Variants in SLC8A1 observed in about 807,000 individuals in gnomAD.
SLC8A1 encodes the protein solute carrier family 8 member A1.
SLC8A1 carries 18 observed loss-of-function variants against 68.3 expected under a neutral mutation model. That is an observed-to-expected ratio of 0.26 (90% CI 0.18 to 0.39). The LOEUF is 0.39. SLC8A1 is among the 10% of genes least tolerant of loss of function. The pLI is 1.00. For missense variants in SLC8A1, 985 were observed against 1,156.7 expected (o/e 0.85, Z 2.15); for synonymous variants, 475 against 415.5 (o/e 1.14, Z -1.74).
At chr2:40,144,733 C>T (rs1290505829) in intron 6 of SLC8A1, among the ~76,000 whole-genome samples, 1 of 152,076 alleles carries the variant, frequency 6.6e-6, no homozygotes, top group Non-Finnish European at 1.5e-5. Context: ...ATAAAACAAT[C>T]AGGTAAAAGC....
intron 1 of SLC8A1, among the ~76,000 whole-genome samples, chr2:40,465,009 T>C (rs560458467): frequency 7.2e-5 from 11 of 152,266 alleles, no homozygotes; most frequent in Admixed American, 4.6e-4. Flanking sequence ...CAGAACACTA[T>C]AGAAGCACAG....
chr2:40,387,178 TTAGGTTTATTCTG>T (rs1683835067), intron 2 of SLC8A1, among the ~76,000 whole-genome samples: 1 of 151,398 alleles, frequency 6.6e-6, no homozygotes, highest in African/African-American at 2.5e-5. Flanking sequence ...TGTATTTTAT[TTAGGTTTATTCTG>T]TAGTAATGGT....
chr2:40,326,502 A>C (rs958917126), intron 2 of SLC8A1, among the ~76,000 whole-genome samples: 3 of 151,704 alleles, frequency 2.0e-5, no homozygotes, highest in Admixed American at 6.6e-5. Flanking sequence ...ACTGTTAAAA[A>C]CCTTTCTTCT....
chr2:40,373,772 G>T (rs1247334218), intron 2 of SLC8A1, among the ~76,000 whole-genome samples: 1 of 152,050 alleles, frequency 6.6e-6, no homozygotes, highest in Non-Finnish European at 1.5e-5. Flanking sequence ...CTTAATGGCA[G>T]GTGGCATGAG....
chr2:40,139,937 A>T (rs932339037), intron 6 of SLC8A1, among the ~76,000 whole-genome samples: 3 of 152,228 alleles, frequency 2.0e-5, no homozygotes, highest in Non-Finnish European at 4.4e-5. Context: ...TGCAATCAAC[A>T]CACCCTTTCT....
intron 2 of SLC8A1, among the ~76,000 whole-genome samples, chr2:40,217,757 G>C (rs563059440): frequency 8.5e-5 from 13 of 152,274 alleles, no homozygotes; most frequent in Non-Finnish European, 1.8e-4. Context: ...TTTGAAGATT[G>C]TAATCACAAC....
At chr2:40,448,879 T>C (rs1189317377) in intron 1 of SLC8A1, among the ~76,000 whole-genome samples, 1 of 152,160 alleles carries the variant, frequency 6.6e-6, no homozygotes, top group Non-Finnish European at 1.5e-5. Flanking sequence ...GATAATAGCA[T>C]GTTGATTCCT....
chr2:40,144,384 A>C (rs889302249), intron 6 of SLC8A1, among the ~76,000 whole-genome samples: 1 of 152,206 alleles, frequency 6.6e-6, no homozygotes, highest in Non-Finnish European at 1.5e-5. Context: ...AATTTAAGTG[A>C]CTTGCTAAAA....
chr2:40,496,369 A>G (rs1166971259), intron 1 of SLC8A1, among the ~76,000 whole-genome samples: 1 of 152,136 alleles, frequency 6.6e-6, no homozygotes, highest in African/African-American at 2.4e-5. Context: ...GGATTTCAGA[A>G]CTATCTGAAA....
intron 2 of SLC8A1, among the ~76,000 whole-genome samples, chr2:40,198,472 C>G (rs938886582): frequency 6.6e-6 from 1 of 151,884 alleles, no homozygotes; most frequent in African/African-American, 2.4e-5. Context: ...ATTCATATCA[C>G]TTCTATAAAA....
In SLC8A1 at chr2:40,211,369, G is replaced by A. The variant is rs559781914; in HGVS notation, c.1809-33514C>T. On this transcript the variant is annotated intron_variant, in intron 2 of 7. Transcript: ENST00000406785. ...AGCCAGTAGGACTTCAAAATGTTGG[G>A]CTTTTCCAATAGACAGCTAAAAATG... 2.0e-5 allele frequency among the ~76,000 whole-genome samples: 3 copies of A among 152,214 alleles called. No homozygotes were observed. The South Asian group carries it at 6.2e-4, about 32-fold the overall frequency.
At chr2:40,168,448 CAT>C (rs1170785201) in intron 4 of SLC8A1, among the ~76,000 whole-genome samples, 1 of 152,076 alleles carries the variant, frequency 6.6e-6, no homozygotes, top group Non-Finnish European at 1.5e-5. Flanking sequence ...ACTTAAGTAT[CAT>C]AAACTTTTAT....
chr2:40,471,665 T>C (rs867325271), intron 1 of SLC8A1, among the ~76,000 whole-genome samples: 1 of 152,168 alleles, frequency 6.6e-6, no homozygotes, highest in Non-Finnish European at 1.5e-5. Flanking sequence ...GGCATCTGTC[T>C]GGAAATACCC....
intron 4 of SLC8A1, among the ~76,000 whole-genome samples, chr2:40,171,759 T>C (rs2047528126): frequency 6.6e-6 from 1 of 152,202 alleles, no homozygotes; most frequent in Non-Finnish European, 1.5e-5. Flanking sequence ...AAAGAAATAT[T>C]TACAAACTCT....
intron 2 of SLC8A1, among the ~76,000 whole-genome samples, chr2:40,313,863 C>T (rs373070018): frequency 3.0e-4 from 45 of 151,950 alleles, no homozygotes; most frequent in African/African-American, 1.0e-3. Context: ...AAATATTTGA[C>T]CAATTTTTTG....
chr2:40,465,864 A>T (rs1260645088), intron 1 of SLC8A1, among the ~76,000 whole-genome samples: 1 of 152,084 alleles, frequency 6.6e-6, no homozygotes, highest in Non-Finnish European at 1.5e-5. Context: ...GGTCATGAGA[A>T]CCCTGCCCTC....
intron 2 of SLC8A1, among the ~76,000 whole-genome samples, chr2:40,232,621 T>C (rs1341939103): frequency 1.3e-5 from 2 of 150,406 alleles, no homozygotes; most frequent in Non-Finnish European, 3.0e-5. Context: ...TTTATATACT[T>C]TAAGTTTTAG....
chr2:40,132,429 T>A (rs918046), intron 7 of SLC8A1, among the ~76,000 whole-genome samples: 13 of 152,002 alleles, frequency 8.6e-5, no homozygotes, highest in African/African-American at 2.9e-4. Flanking sequence ...AGGCATATTG[T>A]ACCCTATACA....
intron 1 of SLC8A1, among the ~76,000 whole-genome samples, chr2:40,463,839 T>TACACACACATACAC (rs1410338454): frequency 2.8e-4 from 35 of 123,400 alleles, no homozygotes; most frequent in African/African-American, 9.3e-4. Flanking sequence ...CACACACACA[T>TACACACACATACAC]ACACACACAC....
Sources: gnomAD v4.1 joint callset for allele counts (sites outside exome capture counted in the v4.1 genomes callset) on GRCh38, gnomAD v4.1.1 for gene constraint, MANE v1.5 for transcripts, NCBI Gene and HGNC (gene_info 2026-07-23, HGNC 2026-07-21) for gene names.